Variants in FKBP1B observed in about 807,000 individuals in gnomAD.
The protein encoded by FKBP1B is FKBP prolyl isomerase 1B.
In FKBP1B, 4 loss-of-function variants were observed where a neutral mutation model predicts 13.5. The observed-to-expected ratio is 0.30, with a 90% confidence interval of 0.15 to 0.68. The LOEUF (loss-of-function observed/expected upper bound fraction) is 0.68, where lower values mean the gene tolerates loss of function less well. Ranked by LOEUF, FKBP1B falls within the 30% of genes least tolerant of loss-of-function variation. The pLI is 0.76. For missense variants in FKBP1B, 93 were observed against 136.2 expected, an observed-to-expected ratio of 0.68 and a Z score of 1.58; for synonymous variants, 54 against 53.6, an observed-to-expected ratio of 1.01 and a Z score of -0.03.
intron 2 of FKBP1B, among the ~76,000 whole-genome samples, chr2:24,056,048 G>T (rs1388422504): frequency 6.6e-6 from 1 of 152,152 alleles, no homozygotes; most frequent in Non-Finnish European, 1.5e-5. Context: ...GGAGAGAAAT[G>T]GCATGATCTT....
At chr2:24,058,739 A>C (rs560185797) in intron 2 of FKBP1B, among the ~76,000 whole-genome samples, 15 of 152,314 alleles carry the variant, frequency 9.8e-5, no homozygotes, top group African/African-American at 3.1e-4. Flanking sequence ...TTTTCTCCTG[A>C]GTGTGAGTGC....
At chr2:24,045,033 C>A (rs950634724), upstream of FKBP1B, among the ~76,000 whole-genome samples, 1 of 152,044 alleles carries the variant, frequency 6.6e-6, no homozygotes, top group African/African-American at 2.4e-5. Flanking sequence ...TTGGGGGAAC[C>A]AGCATATATT....
At chr2:24,044,418 C>A in the FKBP1B span, among the ~76,000 whole-genome samples, 1 of 152,066 alleles carries the variant, frequency 6.6e-6, no homozygotes, top group Non-Finnish European at 1.5e-5. Flanking sequence ...AGGGGCCCAC[C>A]ACCATGCCCA....
the FKBP1B span, among the ~76,000 whole-genome samples, chr2:24,036,252 T>G: frequency 6.6e-6 from 1 of 151,690 alleles, no homozygotes; most frequent in Admixed American, 6.6e-5. Context: ...ACACCTGTAA[T>G]CCCAGCACTT....
At position 24,050,424 on chromosome 2, in the gene FKBP1B, C is replaced by A. The variant is rs1443611339; in HGVS notation, c.37+538C>A. On this transcript the variant is annotated intron_variant, in intron 1 of 3. Coordinates refer to ENST00000380986, the MANE Select transcript of FKBP1B (RefSeq NM_004116.5). This position sits in a 1 kb window ranked among gnomAD's most constrained non-coding sequence, Gnocchi z 5.8. ...AGCGCTCCCTTGCCCGCTTCCGGATCTCGCTTTATCCTGCCGCCGCTTTCA... is the reference window on the plus strand; with the variant it reads ...AGCGCTCCCTTGCCCGCTTCCGGATATCGCTTTATCCTGCCGCCGCTTTCA... Among the ~76,000 whole-genome samples the A allele has an allele frequency of 1.3e-5, 2 of 152,330 alleles. No individual in the cohort carries two copies. The highest frequency in any genetic ancestry group is 4.8e-5 in the African/African-American group (2 of 41,592).
At chr2:24,035,977 G>A in the FKBP1B span, among the ~76,000 whole-genome samples, 10 of 151,726 alleles carry the variant, frequency 6.6e-5, no homozygotes, top group African/African-American at 1.9e-4. Context: ...GCTGAGGCAG[G>A]AGAATTGCTA....
intron 2 of FKBP1B, chr2:24,054,154 C>T (rs1306649285): frequency 9.8e-6 from 7 of 711,974 alleles, no homozygotes; most frequent in African/African-American, 8.7e-5. Context: ...CTCTTTCCCT[C>T]TTCTACCAGC....
the FKBP1B span, chr2:24,037,759 G>A: frequency 1.2e-6 from 2 of 1,614,212 alleles, no homozygotes; most frequent in Non-Finnish European, 1.7e-6. Flanking sequence ...CAGACGGTTT[G>A]TAAGTTCAGA....
upstream of FKBP1B, among the ~76,000 whole-genome samples, chr2:24,049,046 G>A (rs1309086179): frequency 6.6e-6 from 1 of 152,122 alleles, no homozygotes; most frequent in Non-Finnish European, 1.5e-5. Context: ...CCCTCCCCCA[G>A]CTCTGCTCCT....
chr2:24,045,713 C>T (rs1663602496), upstream of FKBP1B: 1 of 151,634 alleles, frequency 6.6e-6, no homozygotes. Flanking sequence ...TGGCTAACAC[C>T]TGTAATCCCA....
intron 1 of FKBP1B, 23 bp downstream of exon 1, chr2:24,049,909 AG>A: frequency 7.3e-7 from 1 of 1,369,048 alleles, no homozygotes; most frequent in South Asian, 1.6e-5. Context: ...CTCCGGAGCC[AG>A]GGGAGGGGAG....
the FKBP1B span, chr2:24,037,984 G>A: frequency 6.2e-7 from 1 of 1,614,188 alleles, no homozygotes; most frequent in Non-Finnish European, 8.5e-7. Flanking sequence ...ACAGATACTA[G>A]ACAGAGGACT....
At chr2:24,062,534 A>G (rs1664441327) in intron 3 of FKBP1B, among the ~76,000 whole-genome samples, 1 of 151,954 alleles carries the variant, frequency 6.6e-6, no homozygotes, top group Admixed American at 6.6e-5. Flanking sequence ...GCTGGTCTTG[A>G]ACTTCTGGAC....
intron 1 of FKBP1B, among the ~76,000 whole-genome samples, chr2:24,051,655 G>A (rs567434706): frequency 6.6e-6 from 1 of 152,212 alleles, no homozygotes; most frequent in African/African-American, 2.4e-5. Flanking sequence ...CTTTGAACAT[G>A]TTACATGTTG....
the FKBP1B span, among the ~76,000 whole-genome samples, chr2:24,034,943 GA>G: frequency 6.6e-6 from 1 of 151,760 alleles, no homozygotes; most frequent in African/African-American, 2.4e-5. Flanking sequence ...TTTAAAAACA[GA>G]AAGATATATT....
At chr2:24,049,702 C>A, upstream of FKBP1B, 1 of 539,460 alleles carries the variant, frequency 1.9e-6, no homozygotes, top group Non-Finnish European at 2.8e-6. Context: ...GGCCCCTCCC[C>A]GCGCAGGTCC....
chr2:24,039,241 A>C, the FKBP1B span: 3 of 1,614,244 alleles, frequency 1.9e-6, no homozygotes, highest in Non-Finnish European at 2.5e-6. Context: ...CCACACAGTG[A>C]CATGCTTCTC....
chr2:24,034,655 C>T, the FKBP1B span, among the ~76,000 whole-genome samples: 1 of 151,044 alleles, frequency 6.6e-6, no homozygotes, highest in Admixed American at 6.6e-5. Flanking sequence ...CTCACTGCAG[C>T]CTCAACCTCC....
chr2:24,051,589 C>T (rs1663878330), intron 1 of FKBP1B, among the ~76,000 whole-genome samples: 1 of 152,134 alleles, frequency 6.6e-6, no homozygotes, highest in Non-Finnish European at 1.5e-5. Context: ...GTGTGCTAGG[C>T]CCTAAGGTGA....
Sources: allele counts gnomAD v4.1 joint callset (sites outside exome capture counted in the v4.1 genomes callset), GRCh38; gene constraint gnomAD v4.1.1; non-coding constraint Gnocchi (gnomAD v3.1); transcripts MANE v1.5; gene names NCBI Gene and HGNC (gene_info 2026-07-23, HGNC 2026-07-21).